Variants in ATXN7L1 observed in about 807,000 individuals in gnomAD.
The protein encoded by ATXN7L1 is ataxin-7-like protein 1.
Under a neutral mutation model 70.8 loss-of-function variants are expected in ATXN7L1, and 15 were observed. That is an observed-to-expected ratio of 0.21 (90% CI 0.14 to 0.33). ATXN7L1 has a LOEUF of 0.33. ATXN7L1 is among the 10% of genes least tolerant of loss of function. The probability of loss-of-function intolerance (pLI) is 1.00; values close to 1 mark genes in which losing one functional copy is unlikely to be tolerated. For missense variants in ATXN7L1, 975 were observed against 1,097.1 expected (o/e 0.89, Z 1.57); for synonymous variants, 440 against 445.1 (o/e 0.99, Z 0.14).
At chr7:105,679,111 C>G (rs1051205770) in intron 3 of ATXN7L1, 3 of 985,858 alleles carry the variant, frequency 3.0e-6, no homozygotes, top group South Asian at 9.4e-5. Context: ...CTGGGCAACG[C>G]GACTCGTGGT....
intron 2 of ATXN7L1, among the ~76,000 whole-genome samples, chr7:105,861,394 A>G (rs1267021968): frequency 6.7e-6 from 1 of 148,316 alleles, no homozygotes; most frequent in Non-Finnish European, 1.5e-5. Flanking sequence ...GTAGGCTATG[A>G]GGCAGGCTAG....
intron 2 of ATXN7L1, among the ~76,000 whole-genome samples, chr7:105,807,611 A>T (rs1424104748): frequency 6.6e-6 from 1 of 152,214 alleles, no homozygotes; most frequent in Non-Finnish European, 1.5e-5. Context: ...AGCAACTGTG[A>T]CAGACACTTA....
intron 3 of ATXN7L1, among the ~76,000 whole-genome samples, chr7:105,703,362 G>C (rs1011676063): frequency 6.6e-6 from 1 of 151,350 alleles, no homozygotes; most frequent in African/African-American, 2.4e-5. Context: ...GTGGAAGTTA[G>C]TCTAGGCTTT....
In ATXN7L1 at chr7:105,674,447, T is replaced by C. The variant is rs554246983; in HGVS notation, c.356-9159A>G. Among the ~76,000 whole-genome samples the C allele has an allele frequency of 6.6e-5, 10 of 152,352 alleles. No homozygotes were observed. The East Asian group carries it at 1.7e-3, about 26-fold the overall frequency. On this transcript the variant is annotated intron_variant, in intron 3 of 11. Coordinates refer to ENST00000419735, the MANE Select transcript of ATXN7L1 (RefSeq NM_020725.2). Reference sequence around the variant, plus strand: ...TGGTATGATACCGTTAGTTGCCTTGTTATAGATGGGGAAATTACTATTATT... The same window carrying C: ...TGGTATGATACCGTTAGTTGCCTTGCTATAGATGGGGAAATTACTATTATT...
intron 11 of ATXN7L1, 37 bp downstream of exon 11, chr7:105,610,492 A>G (rs775216382): frequency 9.3e-5 from 133 of 1,428,728 alleles, no homozygotes; most frequent in Non-Finnish European, 1.2e-4. Flanking sequence ...TGATGACCAT[A>G]TGAATTTTTG....
rs77686286 is a variant in ATXN7L1, at chr7:105,820,162, G to T, written c.251-31454C>A. 3.2e-3 allele frequency: 900 copies of T among 283,874 alleles called. 9 individuals carry two copies. Among genetic ancestry groups the T allele is most frequent in the African/African-American group, 0.02 (835 of 41,624 alleles). 17.6% of individuals were successfully genotyped at this position (283,874 alleles called of 1,614,324 possible). ...AAAAAAAAAAAAAAAAAAAGCGTGG[G>T]CCTCATTCAGATGTCCTTCACCCCA... On this transcript the variant is annotated intron_variant, in intron 2 of 11. Coordinates refer to ENST00000419735, the MANE Select transcript of ATXN7L1 (RefSeq NM_020725.2).
chr7:105,684,504 A>T (rs918025644), intron 3 of ATXN7L1, among the ~76,000 whole-genome samples: 2 of 152,134 alleles, frequency 1.3e-5, no homozygotes, highest in Non-Finnish European at 2.9e-5. Flanking sequence ...TCCAATCTAG[A>T]TTTTTTATTT....
At chr7:105,819,530 C>A in intron 2 of ATXN7L1, 1 of 1,370,600 alleles carries the variant, frequency 7.3e-7, no homozygotes, top group Non-Finnish European at 1.0e-6. Context: ...ATGGTCGAGG[C>A]CATCTCCTGG....
chr7:105,763,143 C>T (rs1198981552), intron 3 of ATXN7L1, among the ~76,000 whole-genome samples: 2 of 152,226 alleles, frequency 1.3e-5, no homozygotes, highest in East Asian at 3.8e-4. Context: ...ACGCTGGAGT[C>T]ATTTGTTATG....
At position 105,876,396 on chromosome 7, in the gene ATXN7L1, T is replaced by G. The variant is rs1819312927; in HGVS notation, c.163A>C (p.Lys55Gln). 1 of 1,609,478 alleles carries G rather than the reference T, an allele frequency of 6.2e-7. No individual in the cohort carries two copies. The highest frequency in any genetic ancestry group is 8.5e-7 in the Non-Finnish European group (1 of 1,177,644). The change falls in exon 1 of 12, where the codon AAA becomes CAA. Residue 55 changes from lysine to glutamine, a missense_variant. Physicochemically the swap from Lys to Gln is moderately conservative, Grantham distance 53. Around this residue, in one of 5 missense-constraint regions of ATXN7L1, gnomAD observed 135 missense variants for 132.6 expected, o/e 1.02. Coordinates refer to ENST00000419735, the MANE Select transcript of ATXN7L1 (RefSeq NM_020725.2). Reference sequence around the variant, plus strand: ...TTCTTACTGTCGGAGCAGTGTAATTTGGCGGCGTCGATCCAGGAGGACCAG... The same window carrying G: ...TTCTTACTGTCGGAGCAGTGTAATTGGGCGGCGTCGATCCAGGAGGACCAG... Reference protein sequence around the residue: ...KPWSSWIDAAKLHCSDNVDLE... With the variant: ...KPWSSWIDAAQLHCSDNVDLE...
At chr7:105,679,735 CA>C (rs1222570565) in intron 3 of ATXN7L1, among the ~76,000 whole-genome samples, 2 of 151,956 alleles carry the variant, frequency 1.3e-5, no homozygotes, top group Admixed American at 6.6e-5. Context: ...TAGGTAAAAC[CA>C]TAGAGACAGA....
At chr7:105,738,823 C>A (rs769051298) in intron 3 of ATXN7L1, among the ~76,000 whole-genome samples, 6 of 152,176 alleles carry the variant, frequency 3.9e-5, no homozygotes, top group Admixed American at 1.3e-4. Context: ...CCTTTGCATC[C>A]CATCCAGTTG....
In ATXN7L1 at chr7:105,682,258, G is replaced by T. The variant is rs1482010961; in HGVS notation, c.356-16970C>A. ...AACAAAAAACAAAGAGTTCAGGAGAGGATGGTGGTGATGGTTGCATAACAA... is the reference window on the plus strand; with the variant it reads ...AACAAAAAACAAAGAGTTCAGGAGATGATGGTGGTGATGGTTGCATAACAA... On this transcript the variant is annotated intron_variant, in intron 3 of 11. Coordinates refer to ENST00000419735, the MANE Select transcript of ATXN7L1 (RefSeq NM_020725.2). Among the ~76,000 whole-genome samples, 4 of 152,170 alleles carry T rather than the reference G, an allele frequency of 2.6e-5. No individual in the cohort carries two copies. In the East Asian group the frequency reaches 7.7e-4, roughly 29 times the overall value.
At chr7:105,819,419 A>C in intron 2 of ATXN7L1, 7 of 563,470 alleles carry the variant, frequency 1.2e-5, no homozygotes, top group East Asian at 3.4e-5. Context: ...GAGCAAAGCA[A>C]AATGCATTAA....
chr7:105,758,345 A>C (rs1800063563), intron 3 of ATXN7L1, among the ~76,000 whole-genome samples: 1 of 152,218 alleles, frequency 6.6e-6, no homozygotes, highest in Admixed American at 6.5e-5. Flanking sequence ...CTCTCTGAGA[A>C]GCATGATTAT....
At chr7:105,797,197 C>T (rs2240474) in intron 2 of ATXN7L1, among the ~76,000 whole-genome samples, 33,170 of 152,192 alleles carry the variant, frequency 0.22, 3,801 homozygotes, top group East Asian at 0.44. Context: ...CTGGCCTCTT[C>T]CTGCCACGGC....
intron 2 of ATXN7L1, among the ~76,000 whole-genome samples, chr7:105,795,126 G>A (rs1455545841): frequency 4.6e-5 from 7 of 152,214 alleles, no homozygotes; most frequent in African/African-American, 9.7e-5. Flanking sequence ...GGCAGAGGAG[G>A]GAGGGATGGA....
intron 3 of ATXN7L1, among the ~76,000 whole-genome samples, chr7:105,743,151 ACT>A (rs549723174): frequency 2.3e-3 from 350 of 152,276 alleles, no homozygotes; most frequent in Middle Eastern, 3.4e-3. Context: ...GTATAAAATA[ACT>A]CTTGATTTTA....
chr7:105,772,545 GGCAAAA>G (rs1187563852), intron 3 of ATXN7L1, among the ~76,000 whole-genome samples: 1 of 152,100 alleles, frequency 6.6e-6, no homozygotes, highest in Non-Finnish European at 1.5e-5. Context: ...TAGAACCTAA[GGCAAAA>G]GCATTAATAG....
Sources: allele counts gnomAD v4.1 joint callset (sites outside exome capture counted in the v4.1 genomes callset), GRCh38; gene constraint gnomAD v4.1.1; regional missense constraint gnomAD v4.1.1; transcripts MANE v1.5; gene names NCBI Gene and HGNC (gene_info 2026-07-23, HGNC 2026-07-21).